The following LMX1A variants were observed in gnomAD, a reference collection of about 807,000 sequenced individuals.
LMX1A encodes the protein LIM homeobox transcription factor 1-alpha.
A neutral mutation model predicts 49.1 loss-of-function variants in LMX1A; 15 were observed. The observed-to-expected ratio is 0.31, with a 90% CI of 0.20 to 0.47. The LOEUF is 0.47. Among genes scored for constraint, LMX1A ranks in the 20% least tolerant of loss-of-function variants. The probability of loss-of-function intolerance (pLI) is 1.00; values close to 1 mark genes in which losing one functional copy is unlikely to be tolerated. For synonymous variants in LMX1A, 167 were observed against 185.7 expected (o/e 0.90, Z 0.82); for missense variants, 372 against 475.8 (o/e 0.78, Z 2.03).
Position 165,225,351 on chromosome 1 carries a change from T to C in LMX1A, c.497-11538A>G, listed in dbSNP as rs1054457280. On this transcript the variant is annotated intron_variant, in intron 4 of 8. Transcript: ENST00000342310. ...GCCCTAGATTGCTATAAACTGATTATAATTGTATGCAGTGAACTCCACTAC... is the reference window on the plus strand; with the variant it reads ...GCCCTAGATTGCTATAAACTGATTACAATTGTATGCAGTGAACTCCACTAC... Among the ~76,000 whole-genome samples, 3 of 152,254 alleles carry C rather than the reference T, an allele frequency of 2.0e-5. No individual in the cohort carries two copies. In the East Asian group the frequency reaches 5.8e-4, roughly 29 times the overall value.
chr1:165,281,175 T>C (rs1263924236), intron 3 of LMX1A, among the ~76,000 whole-genome samples: 1 of 151,964 alleles, frequency 6.6e-6, no homozygotes, highest in Non-Finnish European at 1.5e-5. Context: ...GGAAAAGGAG[T>C]AGAAGGCACT....
intron 3 of LMX1A, among the ~76,000 whole-genome samples, chr1:165,252,848 C>T (rs757203390): frequency 6.6e-6 from 1 of 152,234 alleles, no homozygotes; most frequent in Non-Finnish European, 1.5e-5. Context: ...AACTGAAGAG[C>T]ATTTTCCTAT....
chr1:165,208,576 C>G (rs1006427436), intron 6 of LMX1A, among the ~76,000 whole-genome samples: 2 of 152,192 alleles, frequency 1.3e-5, no homozygotes, highest in African/African-American at 4.8e-5. Context: ...GATGAGCCTA[C>G]CCAGAGATTC....
At chr1:165,335,719 T>A (rs1011854314) in intron 3 of LMX1A, among the ~76,000 whole-genome samples, 1 of 152,198 alleles carries the variant, frequency 6.6e-6, no homozygotes, top group Admixed American at 6.5e-5. Flanking sequence ...TTTAAGTTCA[T>A]CAGTCAGTTT....
intron 3 of LMX1A, among the ~76,000 whole-genome samples, chr1:165,332,103 A>G (rs1216763933): frequency 6.6e-6 from 1 of 152,178 alleles, no homozygotes; most frequent in African/African-American, 2.4e-5. Flanking sequence ...TAATCCTGAG[A>G]ACAACCACTA....
chr1:165,213,566 TGA>T, intron 5 of LMX1A, 73 bp downstream of exon 5: 1 of 1,374,534 alleles, frequency 7.3e-7, no homozygotes, highest in Non-Finnish European at 1.0e-6. Flanking sequence ...CAATGCCCAC[TGA>T]GATCCCAGAG....
chr1:165,355,404 A>T lies in LMX1A; in HGVS notation c.76+80T>A. 7.2e-7 allele frequency: 1 copy of T among 1,382,308 alleles called. No homozygotes were observed. The highest frequency in any genetic ancestry group is 1.0e-6 in the Non-Finnish European group (1 of 981,068). 85.6% of individuals were successfully genotyped at this position (1,382,308 alleles called of 1,614,324 possible). A position where few individuals can be genotyped will look rare whatever the true frequency, so the allele number is the denominator to read the frequency against. On this transcript the variant is annotated intron_variant, in intron 2 of 8. Coordinates refer to ENST00000342310, the MANE Select transcript of LMX1A (RefSeq NM_177398.4). This position sits in a 1 kb window ranked among gnomAD's most constrained non-coding sequence, Gnocchi z 4.7. ...GGCGCTAGCTTCCCTATCGCGGACC[A>T]GGTCCCAGAGAGCGGGGCTCCAGAG...
chr1:165,355,406 G>T lies in LMX1A; in HGVS notation c.76+78C>A. On this transcript the variant is annotated intron_variant, in intron 2 of 8. Transcript: ENST00000342310. The surrounding 1 kb of genome is among the most constrained non-coding windows in gnomAD (Gnocchi z 4.7). Reference sequence around the variant, plus strand: ...CGCTAGCTTCCCTATCGCGGACCAGGTCCCAGAGAGCGGGGCTCCAGAGCT... The same window carrying T: ...CGCTAGCTTCCCTATCGCGGACCAGTTCCCAGAGAGCGGGGCTCCAGAGCT... 7.1e-7 allele frequency: 1 copy of T among 1,414,832 alleles called. No homozygotes were observed. Among genetic ancestry groups the T allele is most frequent in the Non-Finnish European group, 9.9e-7 (1 of 1,009,480 alleles). The allele number at this position is 1,414,832 out of a possible 1,614,324, so 87.6% of individuals were successfully genotyped here.
intron 7 of LMX1A, among the ~76,000 whole-genome samples, chr1:165,206,634 C>T (rs1651093110): frequency 6.6e-6 from 1 of 152,084 alleles, no homozygotes. Context: ...TGCTTTGATG[C>T]ATTCTTCTCC....
intron 7 of LMX1A, among the ~76,000 whole-genome samples, chr1:165,206,370 T>C (rs1411339772): frequency 6.6e-6 from 1 of 152,194 alleles, no homozygotes; most frequent in African/African-American, 2.4e-5. Context: ...TTGTGACCAG[T>C]TGACCTCATT....
chr1:165,258,047 A>G (rs2102645626), intron 3 of LMX1A, among the ~76,000 whole-genome samples: 1 of 152,314 alleles, frequency 6.6e-6, no homozygotes, highest in East Asian at 1.9e-4. Context: ...TTAGAAAGTA[A>G]CAGAGGGTTT....
intron 3 of LMX1A, among the ~76,000 whole-genome samples, chr1:165,291,796 G>A (rs1454230623): frequency 6.6e-6 from 1 of 152,110 alleles, no homozygotes; most frequent in Non-Finnish European, 1.5e-5. Flanking sequence ...GGGCGCGGTG[G>A]CTCACGCCTG....
At position 165,319,960 on chromosome 1, in the gene LMX1A, G is replaced by C. The variant is rs574814507; in HGVS notation, c.263+33116C>G. 3.6e-4 allele frequency among the ~76,000 whole-genome samples: 55 copies of C among 152,150 alleles called. 1 individual carries two copies. In the South Asian group the frequency reaches 9.1e-3, roughly 25 times the overall value. ...TCACATGGACCACCAGCTTTGTCAG[G>C]GTTATAGTTCTGCATAACAACCACT... is the stretch of plus-strand genomic sequence containing the variant. On this transcript the variant is annotated intron_variant, in intron 3 of 8. Transcript: ENST00000342310.
chr1:165,354,539 G>T (rs1235217272), intron 2 of LMX1A, among the ~76,000 whole-genome samples: 1 of 152,110 alleles, frequency 6.6e-6, no homozygotes, highest in Non-Finnish European at 1.5e-5. Context: ...CCCGAAAGGG[G>T]GGTTCAAAGA....
At chr1:165,333,301 GC>G (rs1181955524) in intron 3 of LMX1A, among the ~76,000 whole-genome samples, 1 of 152,156 alleles carries the variant, frequency 6.6e-6, no homozygotes, top group Admixed American at 6.5e-5. Context: ...GGGATTACAG[GC>G]ATGTGCCACC....
At chr1:165,227,021 A>G (rs557359813) in intron 4 of LMX1A, among the ~76,000 whole-genome samples, 5 of 152,232 alleles carry the variant, frequency 3.3e-5, no homozygotes, top group Non-Finnish European at 7.3e-5. Context: ...GTAAAGACCA[A>G]GATGCTGAGG....
rs755328525 is a variant in LMX1A, at chr1:165,355,491, C to T, written c.69G>A (p.Ser23=). Residue 23 remains serine (S), a synonymous_variant, in exon 2 of 9, where the codon TCG becomes TCA. Coordinates refer to ENST00000342310, the MANE Select transcript of LMX1A (RefSeq NM_177398.4). The surrounding 1 kb of genome is among the most constrained non-coding windows in gnomAD (Gnocchi z 4.7). ...SAIDTSASFS[S]LLGRAVSPKS... is the part of the protein sequence containing the mutation. Reference sequence around the variant, plus strand: ...CACGGCCTGAACACTCACCCAGCAGCGAGGAGAAGGAGGCCGAGGTGTCGA... The same window carrying T: ...CACGGCCTGAACACTCACCCAGCAGTGAGGAGAAGGAGGCCGAGGTGTCGA... 1.2e-6 allele frequency: 2 copies of T among 1,613,930 alleles called. No homozygotes were observed. The highest frequency in any genetic ancestry group is 1.3e-5 in the African/African-American group (1 of 75,022).
At chr1:165,229,435 T>C (rs1464548747) in intron 4 of LMX1A, among the ~76,000 whole-genome samples, 2 of 152,194 alleles carry the variant, frequency 1.3e-5, no homozygotes, top group African/African-American at 4.8e-5. Context: ...AACTATCTCT[T>C]TGGCCATGTT....
chr1:165,204,790 A>G (rs979769962), intron 8 of LMX1A, among the ~76,000 whole-genome samples: 2 of 152,204 alleles, frequency 1.3e-5, no homozygotes, highest in African/African-American at 2.4e-5. Context: ...GAATTTGCAA[A>G]AAAATGTGTT....
Sources: allele counts gnomAD v4.1 joint callset (sites outside exome capture counted in the v4.1 genomes callset), GRCh38; gene constraint gnomAD v4.1.1; non-coding constraint Gnocchi (gnomAD v3.1); transcripts MANE v1.5; gene names NCBI Gene and HGNC (gene_info 2026-07-23, HGNC 2026-07-21).